Variants in YTHDC1 observed in about 807,000 individuals in gnomAD.
YTHDC1 encodes YTH domain-containing protein 1.
A neutral mutation model predicts 107.0 loss-of-function variants in YTHDC1; 12 were observed. The ratio of observed to expected loss-of-function variants is 0.11; its 90% confidence interval spans 0.07 to 0.18. The LOEUF (loss-of-function observed/expected upper bound fraction) is 0.18, where lower values mean the gene tolerates loss of function less well. YTHDC1 is among the 10% of genes least tolerant of loss of function. YTHDC1 has a pLI of 1.00. For missense variants in YTHDC1, 635 were observed against 898.8 expected (o/e 0.71, Z 3.75); for synonymous variants, 280 against 289.5 (o/e 0.97, Z 0.33).
Position 68,337,469 on chromosome 4 carries a change from G to A in YTHDC1, c.460-19C>T. On this transcript the variant is annotated intron_variant, in intron 3 of 16. Transcript: ENST00000344157. ...CAATTCTCTGATGTTTAAAGAAAAA[G>A]GGAATCAGCAGTCATATAAAAGACA... The A allele has an allele frequency of 1.9e-6, 3 of 1,610,278 alleles. 1 individual carries two copies. The highest frequency in any genetic ancestry group is 3.3e-4 in the Middle Eastern group (2 of 6,036).
At chr4:68,319,924 G>T (rs556748102) in intron 12 of YTHDC1, among the ~76,000 whole-genome samples, 199 bp downstream of exon 12, 39 of 152,132 alleles carry the variant, frequency 2.6e-4, no homozygotes, top group African/African-American at 9.4e-4. Flanking sequence ...GAGTTACACT[G>T]GAATAGACTA....
In YTHDC1 at chr4:68,328,890, G is replaced by T. The variant is rs1187446004; in HGVS notation, c.1349+1112C>A. Among the ~76,000 whole-genome samples the T allele has an allele frequency of 2.6e-5, 4 of 152,156 alleles. No individual in the cohort carries two copies. In the East Asian group the frequency reaches 5.8e-4, roughly 22 times the overall value. On this transcript the variant is annotated intron_variant, in intron 9 of 16. Transcript: ENST00000344157. ...AATCTGCACAGCATGTTACTGTATTGAATAGTGTAGGTAAATGTAACACAA... is the reference window on the plus strand; with the variant it reads ...AATCTGCACAGCATGTTACTGTATTTAATAGTGTAGGTAAATGTAACACAA...
intron 1 of YTHDC1, among the ~76,000 whole-genome samples, chr4:68,344,803 A>G (rs898065863): frequency 5.3e-5 from 8 of 152,194 alleles, no homozygotes; most frequent in African/African-American, 1.9e-4. Flanking sequence ...TGGGAGGCCA[A>G]AGCAGGCATA....
intron 1 of YTHDC1, among the ~76,000 whole-genome samples, chr4:68,340,599 G>C (rs1037354171): frequency 3.3e-5 from 5 of 152,002 alleles, no homozygotes; most frequent in African/African-American, 1.2e-4. Context: ...ATGTTTTACA[G>C]ATGTTTAATA....
At position 68,338,397 on chromosome 4, in the gene YTHDC1, T is replaced by C. The variant is rs1302674717; in HGVS notation, c.29-13A>G. 1.9e-6 allele frequency: 3 copies of C among 1,564,442 alleles called. No individual in the cohort carries two copies. Among genetic ancestry groups the C allele is most frequent in the Admixed American group, 2.0e-5 (1 of 50,506 alleles). ...TTAAGTTCTCCATCTGCAAATAAAA[T>C]TAAAAATTAATAGGGAAAAATCACT... On this transcript the variant is annotated splice_polypyrimidine_tract_variant and intron_variant, in intron 1 of 16. Transcript: ENST00000344157.
At chr4:68,316,208 G>T in intron 16 of YTHDC1, 106 bp downstream of exon 16, 2 of 1,270,716 alleles carry the variant, frequency 1.6e-6, no homozygotes, top group Non-Finnish European at 2.1e-6. Context: ...TCTGCAGTAA[G>T]AATATGCAAT....
At position 68,347,589 on chromosome 4, in the gene YTHDC1, T is replaced by C. The variant is rs1454478392; in HGVS notation, c.28+2137A>G. Among the ~76,000 whole-genome samples the C allele has an allele frequency of 1.3e-5, 2 of 152,214 alleles. 1 individual carries two copies. The highest frequency in any genetic ancestry group is 2.9e-5 in the Non-Finnish European group (2 of 68,034). On this transcript the variant is annotated intron_variant, in intron 1 of 16. Coordinates refer to ENST00000344157, the MANE Select transcript of YTHDC1 (RefSeq NM_001031732.4). ...GGTCTTTACTGTTCTGTGATTAATA[T>C]AATTGCCAATTTCTGCAACTTATAG...
intron 9 of YTHDC1, among the ~76,000 whole-genome samples, chr4:68,329,422 CTAAAAT>C (rs1723339000): frequency 6.6e-6 from 1 of 152,134 alleles, no homozygotes; most frequent in Non-Finnish European, 1.5e-5. Context: ...CACTTTTTAA[CTAAAAT>C]TAATTTTACA....
At chr4:68,324,897 A>G (rs886760959) in intron 9 of YTHDC1, among the ~76,000 whole-genome samples, 2 of 152,222 alleles carry the variant, frequency 1.3e-5, no homozygotes, top group Non-Finnish European at 2.9e-5. Flanking sequence ...CTAAGCCATG[A>G]CAAAATGGTC....
intron 16 of YTHDC1, among the ~76,000 whole-genome samples, chr4:68,314,737 A>AT (rs1202882275): frequency 2.0e-5 from 3 of 152,170 alleles, no homozygotes; most frequent in Non-Finnish European, 2.9e-5. Context: ...CTAGCTCTAC[A>AT]TTTTTCCTCC....
intron 1 of YTHDC1, among the ~76,000 whole-genome samples, chr4:68,340,094 G>GA (rs1362958183): frequency 2.0e-5 from 3 of 151,780 alleles, no homozygotes; most frequent in Non-Finnish European, 2.9e-5. Context: ...GTGGCTTCAG[G>GA]AAAAAAACAA....
intron 9 of YTHDC1, among the ~76,000 whole-genome samples, chr4:68,326,190 TAGA>T (rs1178722728): frequency 6.6e-6 from 1 of 152,054 alleles, no homozygotes; most frequent in Admixed American, 6.6e-5. Flanking sequence ...ACGATCCAAG[TAGA>T]AGTAAAAGCA....
intron 9 of YTHDC1, among the ~76,000 whole-genome samples, chr4:68,326,787 C>CA (rs1037974673): frequency 6.6e-6 from 1 of 150,818 alleles, no homozygotes; most frequent in Non-Finnish European, 1.5e-5. Context: ...GACGGGGTTT[C>CA]ACCATGTTGG....
At chr4:68,346,101 A>ATATATATATATATATG (rs59376937) in intron 1 of YTHDC1, among the ~76,000 whole-genome samples, 3 of 84,598 alleles carry the variant, frequency 3.5e-5, no homozygotes, top group Admixed American at 1.1e-4. Context: ...ATATATATAT[A>ATATATATATATATATG]CACACACACC....
chr4:68,321,118 A>G (rs1002367697), intron 11 of YTHDC1, among the ~76,000 whole-genome samples: 6 of 152,180 alleles, frequency 3.9e-5, no homozygotes, highest in Non-Finnish European at 8.8e-5. Context: ...ACAAAAAAAA[A>G]GTCCAAAATA....
chr4:68,312,277 A>T lies in YTHDC1; in HGVS notation c.*1822T>A, dbSNP rs1294134199. 11 of 152,344 alleles carry T rather than the reference A, an allele frequency of 7.2e-5. No individual in the cohort carries two copies. In the South Asian group the frequency reaches 2.1e-3, roughly 29 times the overall value. The allele number at this position is 152,344 out of a possible 1,614,324, so 9.4% of individuals were successfully genotyped here. ...AGCCCATTTAAATGAGTCTGTATATAAAAGCACAAAGTCTCTATTGCATAC... is the reference window on the plus strand; with the variant it reads ...AGCCCATTTAAATGAGTCTGTATATTAAAGCACAAAGTCTCTATTGCATAC... On this transcript the variant is annotated 3_prime_UTR_variant, in exon 17 of 17. Coordinates refer to ENST00000344157, the MANE Select transcript of YTHDC1 (RefSeq NM_001031732.4).
At chr4:68,347,894 T>TA (rs1725625060) in intron 1 of YTHDC1, among the ~76,000 whole-genome samples, 1 of 152,174 alleles carries the variant, frequency 6.6e-6, no homozygotes, top group African/African-American at 2.4e-5. Context: ...TTCCAGTAGG[T>TA]AAGTGCTAGT....
chr4:68,330,350 A>G (rs374861252), intron 7 of YTHDC1, 40 bp from the exon 8 acceptor site: 1 of 1,343,176 alleles, frequency 7.4e-7, no homozygotes. Flanking sequence ...GAAATTAACT[A>G]CAACTCTTTT....
rs1190398734 is a variant in YTHDC1, at chr4:68,337,588, G to T, written c.443C>A (p.Thr148Lys). The change falls in exon 3 of 17, where the codon ACG becomes AAG. Residue 148 changes from threonine (T) to lysine (K), a missense_variant. Coordinates refer to ENST00000344157, the MANE Select transcript of YTHDC1 (RefSeq NM_001031732.4). ...RDPERRAKSP[T>K]PDGSERIGLE... is the part of the protein sequence containing the mutation. ...ATTTACTACCTCAGAACCATCTGGC[G>T]TAGGAGATTTGGCCCTCCTTTCAGG... 5 of 1,609,532 alleles carry T rather than the reference G, an allele frequency of 3.1e-6. No individual in the cohort carries two copies. The highest frequency in any genetic ancestry group is 1.7e-4 in the Middle Eastern group (1 of 6,024).
Sources: gnomAD v4.1 joint callset for allele counts (sites outside exome capture counted in the v4.1 genomes callset) on GRCh38, gnomAD v4.1.1 for gene constraint, MANE v1.5 for transcripts, NCBI Gene and HGNC (gene_info 2026-07-23, HGNC 2026-07-21) for gene names.